The following TCERG1L variants were observed in gnomAD, a reference collection of about 807,000 sequenced individuals.
The protein encoded by TCERG1L is transcription elongation regulator 1 like.
A neutral mutation model predicts 56.3 loss-of-function variants in TCERG1L; 37 were observed. The observed-to-expected ratio is 0.66, with a 90% CI of 0.51 to 0.87. The LOEUF (loss-of-function observed/expected upper bound fraction) is 0.87. TCERG1L is among the 40% of genes least tolerant of loss of function. The pLI is 0.00. For missense variants in TCERG1L, 799 were observed against 774.2 expected (o/e 1.03, Z -0.38); for synonymous variants, 324 against 326.3 (o/e 0.99, Z 0.08).
intron 6 of TCERG1L, 150 bp downstream of exon 6, chr10:131,162,972 G>A (rs1481833244): frequency 3.5e-6 from 2 of 576,130 alleles, no homozygotes; most frequent in Non-Finnish European, 6.0e-6. Context: ...TGACCACAGT[G>A]CAGAATTACA....
At chr10:131,219,877 G>A (rs1424960953) in intron 4 of TCERG1L, among the ~76,000 whole-genome samples, 4 of 152,200 alleles carry the variant, frequency 2.6e-5, no homozygotes. Context: ...TGAGGCTGTA[G>A]TGGAAAGAGG....
intron 4 of TCERG1L, among the ~76,000 whole-genome samples, chr10:131,257,549 G>A (rs887423438): frequency 1.3e-5 from 2 of 152,166 alleles, no homozygotes; most frequent in African/African-American, 4.8e-5. Flanking sequence ...GCTTAGCCGG[G>A]TATCCAGACA....
chr10:131,254,135 C>T (rs1393820061), intron 4 of TCERG1L, among the ~76,000 whole-genome samples: 2 of 151,734 alleles, frequency 1.3e-5, no homozygotes, highest in East Asian at 2.0e-4. Context: ...GTGAAGGTCC[C>T]GGGGCAGCCC....
At chr10:131,219,448 C>T (rs1227365831) in intron 4 of TCERG1L, among the ~76,000 whole-genome samples, 1 of 152,186 alleles carries the variant, frequency 6.6e-6, no homozygotes, top group African/African-American at 2.4e-5. Context: ...TCTGGGGATG[C>T]CAGGCTGTGG....
chr10:131,132,604 G>A (rs1845630013), intron 8 of TCERG1L, among the ~76,000 whole-genome samples: 1 of 152,202 alleles, frequency 6.6e-6, no homozygotes. Flanking sequence ...CTCATCTTGT[G>A]TTTTCAATTT....
chr10:131,277,245 G>T (rs1157652669), intron 3 of TCERG1L, among the ~76,000 whole-genome samples: 1 of 152,172 alleles, frequency 6.6e-6, no homozygotes, highest in Non-Finnish European at 1.5e-5. Context: ...GTCACAGAGG[G>T]CTTAAAGCTG....
chr10:131,170,679 A>C (rs1263000354), intron 4 of TCERG1L, among the ~76,000 whole-genome samples: 1 of 152,192 alleles, frequency 6.6e-6, no homozygotes, highest in Non-Finnish European at 1.5e-5. Context: ...GCTCTTATAG[A>C]GTCCAGCACG....
Position 131,148,639 on chromosome 10 carries a change from C to T in TCERG1L, c.1035-1979G>A, listed in dbSNP as rs12268246. The stretch of plus-strand genomic sequence containing the variant: ...ACAGAGACACACATGCACACACACA[C>T]GGAGAGACAGAGATCGGGAGATGCC... On this transcript the variant is annotated intron_variant, in intron 6 of 11. Coordinates refer to ENST00000368642, the MANE Select transcript of TCERG1L (RefSeq NM_174937.4). Among the ~76,000 whole-genome samples the T allele has an allele frequency of 7.1e-3, 1,030 of 145,264 alleles. 8 individuals carry two copies. The highest frequency in any genetic ancestry group is 0.024 in the African/African-American group (984 of 40,486).
At chr10:131,159,416 C>A (rs1845954954) in intron 6 of TCERG1L, among the ~76,000 whole-genome samples, 1 of 152,182 alleles carries the variant, frequency 6.6e-6, no homozygotes, top group Non-Finnish European at 1.5e-5. Flanking sequence ...GCTGAGACCC[C>A]CTGTGGTCTT....
chr10:131,214,074 C>A (rs888257877), intron 4 of TCERG1L, among the ~76,000 whole-genome samples: 2 of 152,090 alleles, frequency 1.3e-5, no homozygotes, highest in Non-Finnish European at 2.9e-5. Flanking sequence ...ACAACAGTTA[C>A]AATGACTAAC....
intron 4 of TCERG1L, among the ~76,000 whole-genome samples, chr10:131,230,311 G>A (rs967593459): frequency 2.0e-5 from 3 of 152,212 alleles, no homozygotes; most frequent in Non-Finnish European, 2.9e-5. Context: ...TGAACAGCGC[G>A]TGCTGCTGTG....
At chr10:131,277,029 C>T (rs1275158144) in intron 3 of TCERG1L, among the ~76,000 whole-genome samples, 1 of 152,160 alleles carries the variant, frequency 6.6e-6, no homozygotes, top group East Asian at 1.9e-4. Context: ...TAGCAAGACG[C>T]GATCATGCCT....
chr10:131,092,916 C>G lies in TCERG1L; in HGVS notation c.*246G>C, dbSNP rs573576058. The stretch of plus-strand genomic sequence containing the variant: ...ATTTGTGTATATTACAAGTAATTTG[C>G]ATAATTAAAACAATTAAGGGATCGA... On this transcript the variant is annotated 3_prime_UTR_variant, in exon 12 of 12. Transcript: ENST00000368642. The G allele has an allele frequency of 1.5e-5, 6 of 407,716 alleles. No homozygotes were observed. The South Asian group carries it at 3.1e-4, about 21-fold the overall frequency. The allele number at this position is 407,716 out of a possible 1,614,324, so 25.3% of individuals were successfully genotyped here.
intron 4 of TCERG1L, among the ~76,000 whole-genome samples, chr10:131,216,030 A>G (rs1356062952): frequency 6.6e-6 from 1 of 152,148 alleles, no homozygotes; most frequent in East Asian, 1.9e-4. Context: ...AGCCACAGGG[A>G]AGGGAAGGGC....
chr10:131,241,717 C>T (rs1357461324), intron 4 of TCERG1L, among the ~76,000 whole-genome samples: 1 of 151,920 alleles, frequency 6.6e-6, no homozygotes, highest in African/African-American at 2.4e-5. Flanking sequence ...CACGTATTAA[C>T]AGCAGGAATG....
intron 4 of TCERG1L, among the ~76,000 whole-genome samples, chr10:131,206,271 A>G (rs1845525605): frequency 6.6e-6 from 1 of 152,204 alleles, no homozygotes; most frequent in Non-Finnish European, 1.5e-5. Context: ...ACCGGCTGGC[A>G]GCCTGGGAGT....
At chr10:131,097,979 G>A (rs1372323267) in intron 11 of TCERG1L, among the ~76,000 whole-genome samples, 1 of 152,202 alleles carries the variant, frequency 6.6e-6, no homozygotes, top group African/African-American at 2.4e-5. Flanking sequence ...CATCTCATGA[G>A]TGCTCACGTA....
Position 131,260,317 on chromosome 10 carries a change from C to G in TCERG1L, c.798G>C (p.Pro266=), listed in dbSNP as rs767355246. 1.4e-6 allele frequency: 2 copies of G among 1,452,474 alleles called. No individual in the cohort carries two copies. Among genetic ancestry groups the G allele is most frequent in the Non-Finnish European group, 1.8e-6 (2 of 1,104,536 alleles). 90.0% of individuals were successfully genotyped at this position (1,452,474 alleles called of 1,614,324 possible). ...LRGPSPSSVQ[P]RHFLTLAPIK... ...TGGGTGCCAAGGTCAGGAAGTGGCG[C>G]GGCTGCACGCTGGAGGGGGACGGGC... The change falls in exon 4 of 12, where the codon CCG becomes CCC. Residue 266 remains proline (P), a synonymous_variant. Coordinates refer to ENST00000368642, the MANE Select transcript of TCERG1L (RefSeq NM_174937.4). This position sits in a 1 kb window ranked among gnomAD's most constrained non-coding sequence, Gnocchi z 5.8.
rs188382694 is a variant in TCERG1L at position 131,108,661 on chromosome 10, G to A, written c.1396-4307C>T. Among the ~76,000 whole-genome samples, 246 of 152,292 alleles carry A rather than the reference G, an allele frequency of 1.6e-3. 1 individual carries two copies. The highest frequency in any genetic ancestry group is 2.9e-3 in the Non-Finnish European group (198 of 68,028). ...CTCAGCGGGTCACAAGCACCACCTC[G>A]GATCACTCCCTGGGCTGTGTGGGTC... On this transcript the variant is annotated intron_variant, in intron 9 of 11. Transcript: ENST00000368642.
Sources: allele counts gnomAD v4.1 joint callset (sites outside exome capture counted in the v4.1 genomes callset), GRCh38; gene constraint gnomAD v4.1.1; non-coding constraint Gnocchi (gnomAD v3.1); transcripts MANE v1.5; gene names NCBI Gene and HGNC (gene_info 2026-07-23, HGNC 2026-07-21).